Variants in BANK1 observed in about 807,000 individuals in gnomAD.
The protein encoded by BANK1 is B cell scaffold protein with ankyrin repeats 1.
BANK1 carries 95 observed loss-of-function variants against 94.5 expected under a neutral mutation model. The ratio of observed to expected loss-of-function variants is 1.00; its 90% CI spans 0.85 to 1.19. The LOEUF is 1.19. Ranked by LOEUF, BANK1 falls within the 50% of genes most tolerant of loss-of-function variation. The pLI is 0.00. For missense variants in BANK1, 987 were observed against 932.2 expected (o/e 1.06, Z -0.77); for synonymous variants, 334 against 308.4 (o/e 1.08, Z -0.87).
chr4:102,034,307 A>G (rs1727423933), intron 10 of BANK1, among the ~76,000 whole-genome samples: 1 of 152,240 alleles, frequency 6.6e-6, no homozygotes, highest in Non-Finnish European at 1.5e-5. Context: ...AAGGAAAACC[A>G]TGCTGGCTTT....
chr4:102,003,251 C>A (rs1726136598), intron 7 of BANK1, among the ~76,000 whole-genome samples: 2 of 152,162 alleles, frequency 1.3e-5, no homozygotes, highest in African/African-American at 4.8e-5. Context: ...TGTAAAAAAG[C>A]CATCCTAAAA....
intron 6 of BANK1, among the ~76,000 whole-genome samples, chr4:101,904,014 G>A (rs935823361): frequency 3.9e-5 from 6 of 152,170 alleles, no homozygotes; most frequent in African/African-American, 1.2e-4. Context: ...TTATGAGTAG[G>A]TTCAATTGCT....
chr4:101,799,884 A>C (rs1487276931), intron 1 of BANK1, among the ~76,000 whole-genome samples: 3 of 152,062 alleles, frequency 2.0e-5, no homozygotes, highest in African/African-American at 7.2e-5. Flanking sequence ...AAAAATAAGT[A>C]AATAAATAAA....
chr4:101,953,503 C>A (rs1187165554), intron 7 of BANK1, among the ~76,000 whole-genome samples: 1 of 151,472 alleles, frequency 6.6e-6, no homozygotes, highest in Non-Finnish European at 1.5e-5. Context: ...AGCAGACTTG[C>A]AACACTGTAT....
At chr4:102,035,339 C>T (rs1727466449) in intron 10 of BANK1, among the ~76,000 whole-genome samples, 1 of 152,188 alleles carries the variant, frequency 6.6e-6, no homozygotes, top group African/African-American at 2.4e-5. Context: ...AGAGACATAA[C>T]TTATTAATGC....
intron 7 of BANK1, among the ~76,000 whole-genome samples, chr4:101,950,710 G>A (rs1356802125): frequency 1.3e-5 from 2 of 152,148 alleles, no homozygotes; most frequent in African/African-American, 4.8e-5. Flanking sequence ...GGGAGTGGTG[G>A]AGACCACCTT....
chr4:101,974,176 T>C (rs950359915), intron 7 of BANK1, among the ~76,000 whole-genome samples: 4 of 152,154 alleles, frequency 2.6e-5, no homozygotes, highest in African/African-American at 9.6e-5. Flanking sequence ...CATGTAATAA[T>C]CTTGTTTTAT....
intron 7 of BANK1, among the ~76,000 whole-genome samples, chr4:101,932,673 C>G (rs1282603734): frequency 6.6e-6 from 1 of 151,450 alleles, no homozygotes; most frequent in Non-Finnish European, 1.5e-5. Context: ...AGATATTACT[C>G]TTCCTTGTGA....
chr4:101,810,861 G>A (rs74343345), intron 1 of BANK1, among the ~76,000 whole-genome samples: 2,764 of 152,194 alleles, frequency 0.018, 80 homozygotes, highest in African/African-American at 0.063. Flanking sequence ...GCATATATTA[G>A]GCATTTACTG....
intron 2 of BANK1, among the ~76,000 whole-genome samples, chr4:101,850,302 T>C (rs1053086457): frequency 5.9e-5 from 9 of 152,128 alleles, no homozygotes; most frequent in African/African-American, 2.2e-4. Flanking sequence ...GAGGGAGTCT[T>C]GCTTTGTCAC....
chr4:101,978,949 T>A (rs1296339796), intron 7 of BANK1, among the ~76,000 whole-genome samples: 2 of 152,078 alleles, frequency 1.3e-5, no homozygotes, highest in East Asian at 3.8e-4. Flanking sequence ...TTAAAATTGG[T>A]AGATGTCATT....
chr4:101,852,469 G>GATATATATATAT (rs1195239167), intron 2 of BANK1, among the ~76,000 whole-genome samples: 10 of 54,120 alleles, frequency 1.8e-4, no homozygotes, highest in Admixed American at 9.1e-4. Context: ...ATATTTTTCG[G>GATATATATATAT]CTATATATAT....
At chr4:102,073,045 T>TA (rs1203617380) in intron 15 of BANK1, among the ~76,000 whole-genome samples, 1 of 152,078 alleles carries the variant, frequency 6.6e-6, no homozygotes, top group Non-Finnish European at 1.5e-5. Flanking sequence ...AATCCTGAAT[T>TA]AGAGTCTTTG....
At chr4:101,979,269 G>A (rs1725245701) in intron 7 of BANK1, among the ~76,000 whole-genome samples, 1 of 151,910 alleles carries the variant, frequency 6.6e-6, no homozygotes, top group Non-Finnish European at 1.5e-5. Context: ...ACTGCCTCTG[G>A]TAGTGTTTAA....
chr4:102,004,658 T>G (rs1726189286), intron 7 of BANK1, among the ~76,000 whole-genome samples: 1 of 152,144 alleles, frequency 6.6e-6, no homozygotes, highest in African/African-American at 2.4e-5. Flanking sequence ...TGCTTTGCCT[T>G]AAGGTGGTTT....
At chr4:101,931,122 A>G (rs1006142692) in intron 7 of BANK1, among the ~76,000 whole-genome samples, 4 of 151,508 alleles carry the variant, frequency 2.6e-5, no homozygotes, top group Non-Finnish European at 5.9e-5. Flanking sequence ...TGGCTGCTTT[A>G]TTGCCACAGT....
At chr4:101,804,903 G>A (rs1324637123) in intron 1 of BANK1, among the ~76,000 whole-genome samples, 1 of 152,144 alleles carries the variant, frequency 6.6e-6, no homozygotes, top group African/African-American at 2.4e-5. Flanking sequence ...CCCAACCCCT[G>A]CATCGTTCAA....
chr4:101,817,163 T>G (rs187382897), intron 1 of BANK1, among the ~76,000 whole-genome samples: 2 of 152,188 alleles, frequency 1.3e-5, no homozygotes, highest in East Asian at 3.9e-4. Flanking sequence ...CATCTAATGG[T>G]GAGATTCAAT....
intron 9 of BANK1, 86 bp downstream of exon 9, chr4:102,025,595 A>C: frequency 7.8e-7 from 1 of 1,281,098 alleles, no homozygotes; most frequent in Non-Finnish European, 1.1e-6. Flanking sequence ...TGGCAAATCT[A>C]TACAGAGCAG....
Sources: gnomAD v4.1 joint callset for allele counts (sites outside exome capture counted in the v4.1 genomes callset) on GRCh38, gnomAD v4.1.1 for gene constraint, MANE v1.5 for transcripts, NCBI Gene and HGNC (gene_info 2026-07-23, HGNC 2026-07-21) for gene names.